The following DOCK1 variants were observed in gnomAD, a reference collection of about 807,000 sequenced individuals.
DOCK1 encodes dedicator of cytokinesis 1.
In DOCK1, 138 loss-of-function variants were observed where a neutral mutation model predicts 262.7. The ratio of observed to expected loss-of-function variants is 0.53; its 90% CI spans 0.46 to 0.61. The LOEUF (loss-of-function observed/expected upper bound fraction) is 0.61, where lower values mean the gene tolerates loss of function less well. Ranked by LOEUF, DOCK1 falls within the 20% of genes least tolerant of loss-of-function variation. The pLI, the probability that DOCK1 is intolerant of heterozygous loss-of-function variation, is 0.00. For synonymous variants in DOCK1, 866 were observed against 867.4 expected (o/e 1.00, Z 0.03); for missense variants, 1,908 against 2,370.7 (o/e 0.80, Z 4.05).
At chr10:126,918,824 CT>C (rs1456010689) in intron 1 of DOCK1, among the ~76,000 whole-genome samples, 1 of 149,634 alleles carries the variant, frequency 6.7e-6, no homozygotes, top group Admixed American at 6.7e-5. Context: ...GAAGTCACTT[CT>C]GTATATTTGG....
intron 29 of DOCK1, among the ~76,000 whole-genome samples, chr10:127,267,710 G>A (rs1003490105): frequency 4.6e-5 from 7 of 152,192 alleles, no homozygotes; most frequent in African/African-American, 7.2e-5. Context: ...TACGAGGACC[G>A]AAGCCAAGTG....
intron 29 of DOCK1, chr10:127,257,722 C>T (rs35207824): frequency 0.34 from 91,041 of 264,754 alleles, 15,718 homozygotes; most frequent in East Asian, 0.4. Flanking sequence ...TTCTGCTCGA[C>T]GTCGCTCTGC....
chr10:127,338,396 T>C (rs1278918013), intron 29 of DOCK1, among the ~76,000 whole-genome samples: 2 of 152,250 alleles, frequency 1.3e-5, no homozygotes, highest in African/African-American at 2.4e-5. Context: ...AATTATACTT[T>C]ATCAATGAAT....
In DOCK1 at chr10:127,425,908, G is replaced by C. The variant is rs1229385466; in HGVS notation, c.4811G>C (p.Gly1604Ala). 1.2e-6 allele frequency: 2 copies of C among 1,613,914 alleles called. No individual in the cohort carries two copies. The highest frequency in any genetic ancestry group is 2.2e-5 in the South Asian group (2 of 91,082). The change falls in exon 47 of 52, where the codon GGA becomes GCA. Residue 1604 changes from glycine to alanine, a missense_variant. Physicochemically the swap from Gly to Ala is moderately conservative, Grantham distance 60 (BLOSUM62 0). This residue lies in a region of DOCK1 where 383 missense variants were observed against 420.1 expected (regional missense o/e 0.91). Coordinates refer to ENST00000623213, the MANE Select transcript of DOCK1 (RefSeq NM_001290223.2). ...CTGGCCGAAGGGATCAGAATCCATG[G>C]AGACAAAGTCACGGAGGCACTGAGG... ...PFLAEGIRIHGDKVTEALRPF... is the reference protein window; with the variant it reads ...PFLAEGIRIHADKVTEALRPF...
At chr10:127,345,538 C>T (rs1393809088) in intron 31 of DOCK1, among the ~76,000 whole-genome samples, 2 of 152,226 alleles carry the variant, frequency 1.3e-5, no homozygotes, top group Non-Finnish European at 2.9e-5. Context: ...CAGGCCTCCT[C>T]AGCTGGGTGA....
intron 1 of DOCK1, among the ~76,000 whole-genome samples, chr10:126,915,419 T>A (rs938734543): frequency 7.7e-6 from 1 of 129,194 alleles, no homozygotes; most frequent in Non-Finnish European, 1.7e-5. Flanking sequence ...TGTCTTTTTC[T>A]TTTTTGGGGG....
At chr10:127,363,024 C>CAA (rs35518989) in intron 33 of DOCK1, among the ~76,000 whole-genome samples, 1 of 75,582 alleles carries the variant, frequency 1.3e-5, no homozygotes, top group Non-Finnish European at 2.4e-5. Flanking sequence ...CACACACACA[C>CAA]ACACATGCAC....
chr10:127,297,067 G>A (rs560637946), intron 29 of DOCK1, among the ~76,000 whole-genome samples: 11 of 152,180 alleles, frequency 7.2e-5, no homozygotes, highest in African/African-American at 2.4e-4. Context: ...CATCAGCCAC[G>A]GTGTGCAGAG....
intron 43 of DOCK1, among the ~76,000 whole-genome samples, chr10:127,414,192 G>A (rs913145754): frequency 1.2e-4 from 18 of 152,248 alleles, no homozygotes; most frequent in South Asian, 4.1e-4. Context: ...GATTACAGAC[G>A]TGAGCCCCCC....
intron 1 of DOCK1, among the ~76,000 whole-genome samples, chr10:126,927,479 C>T (rs2033834262): frequency 6.6e-6 from 1 of 152,020 alleles, no homozygotes; most frequent in Non-Finnish European, 1.5e-5. Flanking sequence ...CACTCTGTCG[C>T]TCAGGCTGGA....
At chr10:127,234,136 G>A (rs1237934059) in intron 27 of DOCK1, among the ~76,000 whole-genome samples, 1 of 152,052 alleles carries the variant, frequency 6.6e-6, no homozygotes. Flanking sequence ...AAGAAAACAG[G>A]CGCTTGCTGT....
intron 25 of DOCK1, among the ~76,000 whole-genome samples, chr10:127,117,949 G>T (rs1371778273): frequency 1.3e-5 from 2 of 151,944 alleles, no homozygotes; most frequent in Non-Finnish European, 2.9e-5. Context: ...TCTTTTCTTG[G>T]GCATAAACTC....
intron 27 of DOCK1, among the ~76,000 whole-genome samples, chr10:127,183,523 C>G (rs1449727014): frequency 6.6e-6 from 1 of 152,190 alleles, no homozygotes; most frequent in African/African-American, 2.4e-5. Flanking sequence ...TATTCCTAAG[C>G]TGATAGCCAA....
chr10:127,249,880 G>C (rs574166937), intron 28 of DOCK1, among the ~76,000 whole-genome samples: 1 of 152,142 alleles, frequency 6.6e-6, no homozygotes, highest in Non-Finnish European at 1.5e-5. Flanking sequence ...GTATATGTTT[G>C]TATTTCTGTG....
intron 29 of DOCK1, among the ~76,000 whole-genome samples, chr10:127,324,062 C>T (rs2062653668): frequency 6.6e-6 from 1 of 152,126 alleles, no homozygotes; most frequent in Non-Finnish European, 1.5e-5. Context: ...GTGAGTGGTC[C>T]CAGGATGAAG....
At chr10:126,975,784 A>AT (rs35799229) in intron 2 of DOCK1, among the ~76,000 whole-genome samples, 57,836 of 146,274 alleles carry the variant, frequency 0.4, 11,691 homozygotes, top group East Asian at 0.63. Context: ...CGCCCAGCCA[A>AT]TTTTTTTTTT....
intron 18 of DOCK1, among the ~76,000 whole-genome samples, chr10:127,036,450 G>A (rs572651149): frequency 6.6e-6 from 1 of 151,734 alleles, no homozygotes; most frequent in South Asian, 2.1e-4. Flanking sequence ...CACAATTAGA[G>A]TTTGTTTTTT....
chr10:127,405,401 C>T (rs1161964913), intron 40 of DOCK1, among the ~76,000 whole-genome samples: 3 of 150,310 alleles, frequency 2.0e-5, no homozygotes, highest in African/African-American at 4.9e-5. Context: ...CTTTGGATGC[C>T]ATTGACCAGT....
At chr10:127,234,005 T>G (rs2058952404) in intron 27 of DOCK1, among the ~76,000 whole-genome samples, 1 of 152,222 alleles carries the variant, frequency 6.6e-6, no homozygotes, top group African/African-American at 2.4e-5. Context: ...TGAGGCACTT[T>G]GTTATAGCTG....
Sources: allele counts gnomAD v4.1 joint callset (sites outside exome capture counted in the v4.1 genomes callset), GRCh38; gene constraint gnomAD v4.1.1; regional missense constraint gnomAD v4.1.1; transcripts MANE v1.5; gene names NCBI Gene and HGNC (gene_info 2026-07-23, HGNC 2026-07-21).